SDK1: variants seen among roughly 807,000 people sequenced by gnomAD.
SDK1 encodes the protein sidekick cell adhesion molecule 1, also known as protein sidekick-1.
Under a neutral mutation model 245.5 loss-of-function variants are expected in SDK1, and 157 were observed. That is an observed-to-expected ratio of 0.64 (90% CI 0.56 to 0.73). The LOEUF (loss-of-function observed/expected upper bound fraction) is 0.73, where lower values mean the gene tolerates loss of function less well. Ranked by LOEUF, SDK1 falls within the 30% of genes least tolerant of loss-of-function variation. The pLI, the probability that SDK1 is intolerant of heterozygous loss-of-function variation, is 0.00. For missense variants in SDK1, 3,583 were observed against 3,002.3 expected, an observed-to-expected ratio of 1.19 and a Z score of -4.52; for synonymous variants, 1,647 against 1,278.5, an observed-to-expected ratio of 1.29 and a Z score of -6.15.
intron 4 of SDK1, among the ~76,000 whole-genome samples, chr7:3,718,556 T>C (rs939976854): frequency 7.0e-6 from 1 of 142,494 alleles, no homozygotes; most frequent in African/African-American, 2.8e-5. Context: ...AATAAATAAA[T>C]AAATAAATAA....
intron 4 of SDK1, among the ~76,000 whole-genome samples, chr7:3,709,426 G>A (rs1394194736): frequency 1.3e-5 from 2 of 152,190 alleles, no homozygotes; most frequent in Non-Finnish European, 2.9e-5. Flanking sequence ...ATCAGGTTCA[G>A]CACTAGGTAG....
At chr7:3,497,134 A>G (rs1782049469) in intron 1 of SDK1, among the ~76,000 whole-genome samples, 1 of 152,198 alleles carries the variant, frequency 6.6e-6, no homozygotes, top group South Asian at 2.1e-4. Flanking sequence ...CATCATTTTA[A>G]TCTAAGACTT....
At chr7:3,521,121 T>A (rs908315079) in intron 1 of SDK1, among the ~76,000 whole-genome samples, 2 of 152,206 alleles carry the variant, frequency 1.3e-5, no homozygotes, top group East Asian at 3.9e-4. Context: ...TTCTGCCAGC[T>A]CTTGGCCAGG....
chr7:3,322,215 C>T (rs1180793074), intron 1 of SDK1, among the ~76,000 whole-genome samples: 1 of 152,104 alleles, frequency 6.6e-6, no homozygotes, highest in Non-Finnish European at 1.5e-5. Context: ...ATGGATTTAT[C>T]TATTCTGAAT....
intron 4 of SDK1, among the ~76,000 whole-genome samples, chr7:3,674,504 C>T (rs1202010795): frequency 6.6e-6 from 1 of 151,956 alleles, no homozygotes; most frequent in Admixed American, 6.6e-5. Context: ...TCACAGAAAG[C>T]ACAATGGAAG....
chr7:3,501,692 G>A (rs956462553), intron 1 of SDK1, among the ~76,000 whole-genome samples: 1 of 152,178 alleles, frequency 6.6e-6, no homozygotes, highest in African/African-American at 2.4e-5. Context: ...TCATTAATTT[G>A]TTCTAGTTAC....
intron 1 of SDK1, among the ~76,000 whole-genome samples, chr7:3,358,046 G>A (rs1373726591): frequency 6.6e-6 from 1 of 151,930 alleles, no homozygotes; most frequent in Admixed American, 6.6e-5. Flanking sequence ...GGGATGGACA[G>A]AGTCTTACTC....
chr7:3,686,163 C>A (rs1217678616), intron 4 of SDK1, among the ~76,000 whole-genome samples: 1 of 152,196 alleles, frequency 6.6e-6, no homozygotes, highest in South Asian at 2.1e-4. Flanking sequence ...GCAACCTCTA[C>A]CTCCTGGGTT....
intron 14 of SDK1, among the ~76,000 whole-genome samples, chr7:4,003,600 G>A (rs1785237752): frequency 6.6e-6 from 1 of 152,222 alleles, no homozygotes; most frequent in Non-Finnish European, 1.5e-5. Context: ...TTGGGAAGAA[G>A]ACCAGGGAGG....
intron 1 of SDK1, among the ~76,000 whole-genome samples, chr7:3,578,952 T>G (rs900615064): frequency 6.6e-6 from 1 of 151,906 alleles, no homozygotes; most frequent in African/African-American, 2.4e-5. Flanking sequence ...ATTAAGAGAT[T>G]AAAGTAAGAC....
At chr7:3,480,237 C>T (rs755196783) in intron 1 of SDK1, among the ~76,000 whole-genome samples, 3 of 152,180 alleles carry the variant, frequency 2.0e-5, no homozygotes, top group African/African-American at 4.8e-5. Flanking sequence ...CAGGTCATTG[C>T]TGGCTGTGAA....
chr7:3,780,421 C>G (rs116154580), intron 4 of SDK1, among the ~76,000 whole-genome samples: 3 of 152,214 alleles, frequency 2.0e-5, no homozygotes, highest in Non-Finnish European at 4.4e-5. Context: ...GTCATGGTTA[C>G]CAGCACATGG....
rs544437978 is a variant in SDK1, at chr7:3,309,691, A to G, written c.298+7807A>G. On this transcript the variant is annotated intron_variant, in intron 1 of 44. Transcript: ENST00000404826. ...AGTAAGCTGTAATGATTTGCAGAAC[A>G]TAAAAGAAAACATGGCTGTTACCCT... Among the ~76,000 whole-genome samples the G allele has an allele frequency of 6.6e-5, 10 of 152,284 alleles. No individual in the cohort carries two copies. In the East Asian group the frequency reaches 1.9e-3, roughly 29 times the overall value.
intron 1 of SDK1, among the ~76,000 whole-genome samples, chr7:3,533,694 A>G (rs1340136106): frequency 6.6e-6 from 1 of 151,824 alleles, no homozygotes; most frequent in Non-Finnish European, 1.5e-5. Context: ...TCTTTTAAGA[A>G]CTCTTGCTAG....
intron 1 of SDK1, among the ~76,000 whole-genome samples, chr7:3,554,836 A>G (rs1163384984): frequency 6.6e-6 from 1 of 152,234 alleles, no homozygotes; most frequent in Non-Finnish European, 1.5e-5. Flanking sequence ...AATCCCATTT[A>G]CAATAGCTAC....
At chr7:3,996,694 C>T (rs1013474848) in intron 14 of SDK1, among the ~76,000 whole-genome samples, 13 of 152,126 alleles carry the variant, frequency 8.5e-5, no homozygotes, top group African/African-American at 2.9e-4. Flanking sequence ...ATTTATTTTC[C>T]ATTCAGCCAT....
chr7:3,718,556 TAA>T (rs1785271064), intron 4 of SDK1, among the ~76,000 whole-genome samples: 1 of 142,462 alleles, frequency 7.0e-6, no homozygotes, highest in African/African-American at 2.8e-5. Flanking sequence ...AATAAATAAA[TAA>T]ATAAATAAAT....
At chr7:3,509,712 C>G (rs1484579025) in intron 1 of SDK1, among the ~76,000 whole-genome samples, 2 of 152,142 alleles carry the variant, frequency 1.3e-5, no homozygotes, top group African/African-American at 4.8e-5. Context: ...AGGGCAGGCT[C>G]AGAGAGCAGC....
intron 1 of SDK1, among the ~76,000 whole-genome samples, chr7:3,378,326 A>C (rs574107092): frequency 6.6e-6 from 1 of 152,154 alleles, no homozygotes; most frequent in Non-Finnish European, 1.5e-5. Context: ...CTTTAATTCT[A>C]CTTAAAAACA....
Sources: gnomAD v4.1 joint callset for allele counts (sites outside exome capture counted in the v4.1 genomes callset) on GRCh38, gnomAD v4.1.1 for gene constraint, MANE v1.5 for transcripts, NCBI Gene and HGNC (gene_info 2026-07-23, HGNC 2026-07-21) for gene names.